SOX5: variants seen among roughly 807,000 people sequenced by gnomAD.
SOX5 encodes the protein transcription factor SOX-5.
A neutral mutation model predicts 92.0 loss-of-function variants in SOX5; 9 were observed. That is an observed-to-expected ratio of 0.10 (90% CI 0.06 to 0.17). The LOEUF (loss-of-function observed/expected upper bound fraction) is 0.17, where lower values mean the gene tolerates loss of function less well. Ranked by LOEUF, SOX5 falls within the 10% of genes least tolerant of loss-of-function variation. The probability of loss-of-function intolerance (pLI) is 1.00; values close to 1 mark genes in which losing one functional copy is unlikely to be tolerated. For synonymous variants in SOX5, 344 were observed against 336.3 expected, an observed-to-expected ratio of 1.02 and a Z score of -0.25; for missense variants, 642 against 944.5, an observed-to-expected ratio of 0.68 and a Z score of 4.20.
At chr12:24,382,225 G>A (rs936612366) in intron 1 of SOX5, among the ~76,000 whole-genome samples, 4 of 152,138 alleles carry the variant, frequency 2.6e-5, no homozygotes, top group South Asian at 2.1e-4. Flanking sequence ...GAGGGCCTCC[G>A]TAAGAAGCTG....
At chr12:24,195,913 C>CAAA (rs2139466450) in intron 4 of SOX5, among the ~76,000 whole-genome samples, 1 of 152,240 alleles carries the variant, frequency 6.6e-6, no homozygotes, top group African/African-American at 2.4e-5. Context: ...GAAACAGGGT[C>CAAA]TCATTCTGTT....
intron 4 of SOX5, among the ~76,000 whole-genome samples, chr12:24,035,793 T>G (rs1222704402): frequency 6.6e-6 from 1 of 152,056 alleles, no homozygotes; most frequent in African/African-American, 2.4e-5. Flanking sequence ...TCCCCTTCTC[T>G]CATTAAAAAT....
chr12:24,501,376 C>CAA (rs200917193), intron 1 of SOX5, among the ~76,000 whole-genome samples: 13 of 102,144 alleles, frequency 1.3e-4, no homozygotes, highest in African/African-American at 4.6e-4. Flanking sequence ...AGATCCAGTG[C>CAA]AAAAAAAAAA....
chr12:23,760,539 C>T (rs1336539886), intron 3 of SOX5, among the ~76,000 whole-genome samples: 2 of 152,030 alleles, frequency 1.3e-5, no homozygotes, highest in Non-Finnish European at 2.9e-5. Context: ...TTGCTTTTCC[C>T]TTCTCACTCT....
chr12:24,074,268 C>T (rs1942191738), intron 4 of SOX5, among the ~76,000 whole-genome samples: 1 of 152,012 alleles, frequency 6.6e-6, no homozygotes, highest in Admixed American at 6.6e-5. Flanking sequence ...TTAAATCCTG[C>T]ATTTTCTCTA....
At chr12:23,618,616 A>T (rs1008383486) in intron 8 of SOX5, among the ~76,000 whole-genome samples, 5 of 152,196 alleles carry the variant, frequency 3.3e-5, no homozygotes, top group African/African-American at 1.2e-4. Flanking sequence ...CGATATGTTA[A>T]TCATTTTGCT....
intron 7 of SOX5, among the ~76,000 whole-genome samples, chr12:23,652,230 C>G (rs1375380913): frequency 3.3e-5 from 5 of 152,020 alleles, no homozygotes; most frequent in African/African-American, 1.2e-4. Flanking sequence ...TTCTTCTTCT[C>G]TAATTATATC....
chr12:23,634,380 C>T (rs762536586), intron 8 of SOX5, among the ~76,000 whole-genome samples: 4 of 152,024 alleles, frequency 2.6e-5, no homozygotes, highest in Non-Finnish European at 2.9e-5. Flanking sequence ...ATCCACCTTA[C>T]GATTTTAAGT....
intron 4 of SOX5, among the ~76,000 whole-genome samples, chr12:23,753,867 G>T (rs2094271613): frequency 1.3e-5 from 2 of 151,842 alleles, no homozygotes; most frequent in South Asian, 4.2e-4. Flanking sequence ...ACTGTCATGG[G>T]CAGTCAGTAG....
intron 1 of SOX5, among the ~76,000 whole-genome samples, chr12:24,384,744 G>A (rs1182065044): frequency 2.0e-5 from 3 of 152,132 alleles, no homozygotes; most frequent in African/African-American, 7.2e-5. Context: ...GGACATGAAC[G>A]GAAATGAGTT....
chr12:24,359,570 C>G (rs555469055), intron 2 of SOX5, among the ~76,000 whole-genome samples: 1 of 152,190 alleles, frequency 6.6e-6, no homozygotes, highest in Non-Finnish European at 1.5e-5. Flanking sequence ...GGGAAGAGAT[C>G]TGAATAATTC....
At chr12:24,390,540 A>C (rs1958891186) in intron 1 of SOX5, among the ~76,000 whole-genome samples, 1 of 152,140 alleles carries the variant, frequency 6.6e-6, no homozygotes, top group African/African-American at 2.4e-5. Context: ...CAAATAGTGT[A>C]CATTGTCCCC....
chr12:23,603,577 C>G (rs2074849529), intron 9 of SOX5, among the ~76,000 whole-genome samples: 1 of 150,990 alleles, frequency 6.6e-6, no homozygotes, highest in Non-Finnish European at 1.5e-5. Context: ...TTTACGATCA[C>G]TCTTCTTACT....
chr12:24,317,965 C>A lies in SOX5; in HGVS notation c.-173-40653G>T, dbSNP rs552023121. 2.6e-5 allele frequency among the ~76,000 whole-genome samples: 4 copies of A among 152,246 alleles called. No homozygotes were observed. In the South Asian group the frequency reaches 6.2e-4, roughly 24 times the overall value. On this transcript the variant is annotated intron_variant, in intron 2 of 4. Coordinates refer to the SOX5 transcript ENST00000446891. ...GTGGCTCACGCCTGTAATCCCGGCA[C>A]TTTGGGAGGCTGAGGTGGGCGGATC...
At chr12:23,930,168 G>C (rs1207805368) in intron 1 of SOX5, among the ~76,000 whole-genome samples, 2 of 151,796 alleles carry the variant, frequency 1.3e-5, no homozygotes, top group African/African-American at 2.4e-5. Flanking sequence ...AGAGAAAATG[G>C]CTAAGTTGTT....
intron 2 of SOX5, among the ~76,000 whole-genome samples, chr12:24,315,230 T>C (rs2140848948): frequency 6.6e-6 from 1 of 152,340 alleles, no homozygotes; most frequent in East Asian, 1.9e-4. Context: ...TAAGTTACAC[T>C]GCATTTCTAG....
At chr12:24,443,667 G>T (rs1234027506) in intron 1 of SOX5, among the ~76,000 whole-genome samples, 1 of 152,218 alleles carries the variant, frequency 6.6e-6, no homozygotes, top group Non-Finnish European at 1.5e-5. Flanking sequence ...ACTGAGACTG[G>T]TTAGCTGAAG....
intron 4 of SOX5, among the ~76,000 whole-genome samples, chr12:24,007,140 A>T (rs11047200): frequency 0.56 from 21,746 of 38,892 alleles, 5,860 homozygotes; most frequent in East Asian, 0.78. Context: ...CTCAAAAAAA[A>T]ATATATATAT....
Position 24,433,643 on chromosome 12 carries a change from G to C in SOX5, c.-250-65004C>G, listed in dbSNP as rs76053205. On this transcript the variant is annotated intron_variant, in intron 1 of 4. Transcript: ENST00000446891. ...TAACCATAACGTTGAAAACACAGCA[G>C]CACTCCTCATCATCTTCCTGAAACT... 4.6e-3 allele frequency among the ~76,000 whole-genome samples: 703 copies of C among 152,302 alleles called. 11 individuals carry two copies. In the East Asian group the frequency reaches 0.051, roughly 11 times the overall value.
Sources: gnomAD v4.1 joint callset for allele counts (sites outside exome capture counted in the v4.1 genomes callset) on GRCh38, gnomAD v4.1.1 for gene constraint, MANE v1.5 for transcripts, NCBI Gene and HGNC (gene_info 2026-07-23, HGNC 2026-07-21) for gene names.